WWP1: variants seen among roughly 807,000 people sequenced by gnomAD.
WWP1 encodes the protein WW domain containing E3 ubiquitin protein ligase 1.
WWP1 carries 49 observed loss-of-function variants against 130.6 expected under a neutral mutation model. The ratio of observed to expected loss-of-function variants is 0.38; its 90% CI spans 0.30 to 0.48. WWP1 has a LOEUF of 0.48. Ranked by LOEUF, WWP1 falls within the 20% of genes least tolerant of loss-of-function variation. The pLI is 0.99. For missense variants in WWP1, 809 were observed against 1,100.6 expected (o/e 0.74, Z 3.75); for synonymous variants, 332 against 367.8 (o/e 0.90, Z 1.11).
chr8:86,422,643 G>C (rs550530499), intron 9 of WWP1, among the ~76,000 whole-genome samples: 1 of 151,882 alleles, frequency 6.6e-6, no homozygotes. Context: ...AAAGTGCTGG[G>C]ATTACAGGTG....
rs143975846 is a variant in WWP1, at chr8:86,459,141, C to T, written c.2499+1116C>T. Among the ~76,000 whole-genome samples the T allele has an allele frequency of 9.8e-3, 1,472 of 150,960 alleles. 28 individuals carry two copies. Among genetic ancestry groups the T allele is most frequent in the African/African-American group, 0.034 (1,402 of 41,084 alleles). On this transcript the variant is annotated intron_variant, in intron 22 of 24. Transcript: ENST00000517970. Reference sequence around the variant, plus strand: ...GCCTCCCAGGTTCAAGTGATTCTCCCGCCTCAGCACCCCCACTCCAAGTAG... The same window carrying T: ...GCCTCCCAGGTTCAAGTGATTCTCCTGCCTCAGCACCCCCACTCCAAGTAG...
intron 1 of WWP1, among the ~76,000 whole-genome samples, chr8:86,344,713 C>T (rs181786903): frequency 2.1e-3 from 317 of 152,048 alleles, no homozygotes; most frequent in Middle Eastern, 6.8e-3. Context: ...TTTTGAAGGA[C>T]GATTATGACT....
At chr8:86,396,996 G>A (rs1351238076) in intron 5 of WWP1, among the ~76,000 whole-genome samples, 1 of 152,122 alleles carries the variant, frequency 6.6e-6, no homozygotes, top group Non-Finnish European at 1.5e-5. Context: ...CCAAAGTGCT[G>A]GGGTTACAGG....
intron 16 of WWP1, among the ~76,000 whole-genome samples, chr8:86,438,143 ATT>A: frequency 6.6e-6 from 1 of 152,066 alleles, no homozygotes; most frequent in Admixed American, 6.6e-5. Flanking sequence ...AGAAAAGAAA[ATT>A]TTTTTAGAAA....
At position 86,435,514 on chromosome 8, in the gene WWP1, G is replaced by A. The variant is rs770148262; in HGVS notation, c.1664G>A (p.Arg555His). The change falls in exon 15 of 25, where the codon CGT (arginine) becomes CAT (histidine). Residue 555 changes from arginine to histidine, a missense_variant. Physicochemically the swap from Arg to His is conservative, Grantham distance 29. Transcript: ENST00000517970. ...TTTAGGTGGAAGCTTGCTCACTTCC[G>A]TTATTTGTGCCAGGTACTATAGTGG... ...RGFRWKLAHF[R>H]YLCQSNALPS... 2.4e-5 allele frequency: 39 copies of A among 1,614,040 alleles called. No individual in the cohort carries two copies. Among genetic ancestry groups the A allele is most frequent in the Admixed American group, 8.3e-5 (5 of 60,020 alleles).
At chr8:86,403,736 C>T (rs1808126453) in intron 8 of WWP1, among the ~76,000 whole-genome samples, 1 of 150,312 alleles carries the variant, frequency 6.7e-6, no homozygotes. Flanking sequence ...TAATAATGCT[C>T]CCCTTAAAAA....
At position 86,398,382 on chromosome 8, in the gene WWP1, C is replaced by G; in HGVS notation, c.375C>G (p.Asn125Lys). 1.2e-6 allele frequency: 2 copies of G among 1,606,018 alleles called. No homozygotes were observed. The highest frequency in any genetic ancestry group is 1.9e-4 in the Middle Eastern group (1 of 5,266). The change falls in exon 6 of 25, where the codon AAC (asparagine) becomes AAG (lysine). Residue 125 changes from asparagine (N) to lysine (K), a missense_variant. This residue lies in a region of WWP1 where 262 missense variants were observed against 346.0 expected (regional missense o/e 0.76). Coordinates refer to ENST00000517970, the MANE Select transcript of WWP1 (RefSeq NM_007013.4). ...AACAATTAAAACTTTCCTTGGAAAACAAGAATGGCATAGCACAAACTGGTG... is the reference window on the plus strand; with the variant it reads ...AACAATTAAAACTTTCCTTGGAAAAGAAGAATGGCATAGCACAAACTGGTG... ...VKEQLKLSLENKNGIAQTGEL... is the reference protein window; with the variant it reads ...VKEQLKLSLEKKNGIAQTGEL...
chr8:86,433,229 C>CTTTTTT (rs11321240), intron 14 of WWP1, among the ~76,000 whole-genome samples: 17 of 119,050 alleles, frequency 1.4e-4, no homozygotes, highest in African/African-American at 2.2e-4. Context: ...TCCTAAGCCT[C>CTTTTTT]TTTTTTTTTT....
intron 1 of WWP1, among the ~76,000 whole-genome samples, chr8:86,354,110 T>C (rs1360683933): frequency 3.9e-5 from 6 of 152,222 alleles, no homozygotes; most frequent in African/African-American, 7.2e-5. Flanking sequence ...ACTGTTTAAG[T>C]TAACTTCAGA....
chr8:86,357,918 G>A (rs191037053), intron 1 of WWP1, among the ~76,000 whole-genome samples: 110 of 152,244 alleles, frequency 7.2e-4, no homozygotes, highest in Middle Eastern at 6.8e-3. Context: ...TTCACGGCTT[G>A]GTGTTGGTAT....
chr8:86,374,401 TA>T (rs1390014638), intron 3 of WWP1, among the ~76,000 whole-genome samples: 8 of 152,190 alleles, frequency 5.3e-5, no homozygotes, highest in Non-Finnish European at 1.2e-4. Context: ...AAATGATTAA[TA>T]GGATGGAGCA....
chr8:86,426,404 A>G (rs1224158546), intron 10 of WWP1, among the ~76,000 whole-genome samples: 1 of 152,220 alleles, frequency 6.6e-6, no homozygotes, highest in African/African-American at 2.4e-5. Flanking sequence ...AGGAGTTTAC[A>G]ATCATTTTAT....
chr8:86,411,584 C>T lies in WWP1; in HGVS notation c.771C>T (p.Val257=), dbSNP rs763234755. 1.1e-5 allele frequency: 17 copies of T among 1,614,012 alleles called. No individual in the cohort carries two copies. Among genetic ancestry groups the T allele is most frequent in the Non-Finnish European group, 1.4e-5 (16 of 1,179,902 alleles). The change falls in exon 9 of 25, where the codon GTC becomes GTT. Residue 257 remains valine (V), a synonymous_variant. Transcript: ENST00000517970. ...TTGCACCAACTGATAATGCGTCTGT[C>T]ACGGGTACTCCAGTAGTGTCTGAAG... is the stretch of plus-strand genomic sequence containing the variant. ...SSFAPTDNAS[V]TGTPVVSEEN...
intron 24 of WWP1, among the ~76,000 whole-genome samples, chr8:86,463,662 C>T (rs976116353): frequency 1.2e-4 from 18 of 151,610 alleles, no homozygotes; most frequent in Admixed American, 1.1e-3. Flanking sequence ...TTAAATGTGT[C>T]AACATTTAGA....
At chr8:86,462,742 C>T (rs72690406) in intron 24 of WWP1, among the ~76,000 whole-genome samples, 8,257 of 152,154 alleles carry the variant, frequency 0.054, 317 homozygotes, top group Non-Finnish European at 0.086. Context: ...CCATTATTTG[C>T]CTTTTTATCA....
At chr8:86,385,066 A>T (rs1044607549) in intron 5 of WWP1, among the ~76,000 whole-genome samples, 2 of 152,148 alleles carry the variant, frequency 1.3e-5, no homozygotes. Context: ...CAAAATAAGT[A>T]ACCCAAGAAA....
At chr8:86,441,539 C>G (rs983706756) in intron 17 of WWP1, among the ~76,000 whole-genome samples, 1 of 152,190 alleles carries the variant, frequency 6.6e-6, no homozygotes, top group African/African-American at 2.4e-5. Context: ...TTAGATTATG[C>G]TTAAGAATGA....
chr8:86,369,189 A>G (rs1436725344), intron 2 of WWP1, among the ~76,000 whole-genome samples, 158 bp downstream of exon 2: 1 of 152,188 alleles, frequency 6.6e-6, no homozygotes, highest in Non-Finnish European at 1.5e-5. Flanking sequence ...CATCTCTAAG[A>G]TAGACAGAGT....
At chr8:86,414,522 A>ACC (rs1808772005) in intron 9 of WWP1, among the ~76,000 whole-genome samples, 1 of 152,140 alleles carries the variant, frequency 6.6e-6, no homozygotes, top group African/African-American at 2.4e-5. Context: ...AGGCTGTGTA[A>ACC]CCCTTTGAGT....
Sources: gnomAD v4.1 joint callset for allele counts (sites outside exome capture counted in the v4.1 genomes callset) on GRCh38, gnomAD v4.1.1 for gene constraint, gnomAD v4.1.1 regional missense constraint, MANE v1.5 for transcripts, NCBI Gene and HGNC (gene_info 2026-07-23, HGNC 2026-07-21) for gene names.